The following ALPK2 variants were observed in gnomAD, a reference collection of about 807,000 sequenced individuals.
ALPK2 encodes the protein alpha kinase 2, also known as alpha-protein kinase 2.
A neutral mutation model predicts 163.1 loss-of-function variants in ALPK2; 127 were observed. The ratio of observed to expected loss-of-function variants is 0.78; its 90% CI spans 0.67 to 0.90. The LOEUF is 0.90. Among genes scored for constraint, ALPK2 ranks in the 40% least tolerant of loss-of-function variants. The pLI is 0.00. For missense variants in ALPK2, 2,360 were observed against 2,589.6 expected (o/e 0.91, Z 1.92); for synonymous variants, 953 against 959.1 (o/e 0.99, Z 0.12).
At chr18:58,616,461 A>G (rs2052168994) in intron 1 of ALPK2, among the ~76,000 whole-genome samples, 1 of 152,250 alleles carries the variant, frequency 6.6e-6, no homozygotes, top group African/African-American at 2.4e-5. Context: ...AAGTCTGAAC[A>G]GACAGGCCTT....
At chr18:58,533,926 A>G (rs1310534135) in intron 5 of ALPK2, among the ~76,000 whole-genome samples, 1 of 152,210 alleles carries the variant, frequency 6.6e-6, no homozygotes, top group African/African-American at 2.4e-5. Context: ...TCAGGTTAAG[A>G]GAGGAGAAAA....
At chr18:58,511,024 G>A (rs1429928729) in intron 10 of ALPK2, among the ~76,000 whole-genome samples, 3 of 152,184 alleles carry the variant, frequency 2.0e-5, no homozygotes, top group African/African-American at 7.2e-5. Context: ...CTGTGGGTTT[G>A]TCATAGATAG....
intron 8 of ALPK2, among the ~76,000 whole-genome samples, chr18:58,518,955 T>C (rs1054964008): frequency 2.6e-5 from 4 of 152,204 alleles, no homozygotes; most frequent in African/African-American, 9.7e-5. Flanking sequence ...TTCATAAACT[T>C]GTTTGATTTC....
chr18:58,603,554 A>T (rs1326313235), intron 3 of ALPK2, among the ~76,000 whole-genome samples: 1 of 150,140 alleles, frequency 6.7e-6, no homozygotes. Flanking sequence ...CCTTCCTTCC[A>T]CCTCCCTCCT....
At chr18:58,577,995 C>T (rs1231026855) in intron 4 of ALPK2, 6 of 152,102 alleles carry the variant, frequency 3.9e-5, no homozygotes, top group Admixed American at 6.5e-5. Context: ...CATATTACAG[C>T]GTAAGTCCAA....
At chr18:58,501,003 T>C (rs867616681) in intron 11 of ALPK2, among the ~76,000 whole-genome samples, 1 of 152,184 alleles carries the variant, frequency 6.6e-6, no homozygotes, top group African/African-American at 2.4e-5. Flanking sequence ...GTGATAGAAT[T>C]TGAGTTTAAT....
In ALPK2 at chr18:58,537,131, G is replaced by A; in HGVS notation, c.3056C>T (p.Pro1019Leu). Reference sequence around the variant, plus strand: ...AATTGACACAGCAAGGTATTTGGCTGGGTGGACTTCGGTGGCAATGGTAAC... The same window carrying A: ...AATTGACACAGCAAGGTATTTGGCTAGGTGGACTTCGGTGGCAATGGTAAC... ...STVTIATEVH[P>L]AKYLAVSIPE... Residue 1019 changes from proline (P) to leucine (L), a missense_variant, in exon 5 of 13, where the codon CCA becomes CTA. Transcript: ENST00000361673. 6.2e-7 allele frequency: 1 copy of A among 1,614,168 alleles called. No homozygotes were observed. Among genetic ancestry groups the A allele is most frequent in the Non-Finnish European group, 8.5e-7 (1 of 1,179,974 alleles).
At chr18:58,622,977 G>T (rs555636182) in intron 1 of ALPK2, among the ~76,000 whole-genome samples, 19 of 152,084 alleles carry the variant, frequency 1.2e-4, no homozygotes, top group African/African-American at 4.3e-4. Flanking sequence ...CTCACTCCCC[G>T]CCCCCCGACA....
chr18:58,575,217 AAAG>A (rs1225990802), intron 4 of ALPK2, among the ~76,000 whole-genome samples: 31 of 148,296 alleles, frequency 2.1e-4, no homozygotes, highest in African/African-American at 4.8e-4. Flanking sequence ...AAAAAAAAAA[AAAG>A]AAGAAGAAGA....
intron 3 of ALPK2, among the ~76,000 whole-genome samples, chr18:58,590,490 CAATA>C (rs962836649): frequency 1.3e-5 from 2 of 152,056 alleles, no homozygotes; most frequent in Non-Finnish European, 2.9e-5. Flanking sequence ...GGGCTCCACT[CAATA>C]AATAATCACA....
intron 2 of ALPK2, 60 bp downstream of exon 2, chr18:58,611,629 C>T: frequency 6.8e-7 from 1 of 1,470,960 alleles, no homozygotes; most frequent in South Asian, 1.2e-5. Context: ...CTTTGTGAGC[C>T]AAGAAACCTG....
At chr18:58,532,575 G>A (rs1438808947) in intron 5 of ALPK2, among the ~76,000 whole-genome samples, 1 of 152,190 alleles carries the variant, frequency 6.6e-6, no homozygotes. Flanking sequence ...TTCTCCTAAT[G>A]CTAGGTTGGT....
At chr18:58,603,094 G>A (rs997104871) in intron 3 of ALPK2, among the ~76,000 whole-genome samples, 1 of 152,064 alleles carries the variant, frequency 6.6e-6, no homozygotes, top group Admixed American at 6.5e-5. Flanking sequence ...ATACTCAGGC[G>A]AGCAGCCTAT....
intron 9 of ALPK2, 125 bp from the exon 10 acceptor site, chr18:58,515,206 G>C (rs951595529): frequency 9.0e-6 from 6 of 665,948 alleles, no homozygotes; most frequent in Non-Finnish European, 1.4e-5. Flanking sequence ...CCCATCCCCT[G>C]GTTGGGGTCA....
chr18:58,484,512 G>A (rs1033086065), intron 12 of ALPK2, among the ~76,000 whole-genome samples: 1 of 152,180 alleles, frequency 6.6e-6, no homozygotes, highest in African/African-American at 2.4e-5. Context: ...AATGCCCACT[G>A]AGGCAGGTGG....
chr18:58,610,119 C>G (rs1194780748), intron 2 of ALPK2, among the ~76,000 whole-genome samples: 1 of 151,820 alleles, frequency 6.6e-6, no homozygotes, highest in Non-Finnish European at 1.5e-5. Context: ...ACTAAAAATA[C>G]AAAAATGAGC....
At chr18:58,625,177 C>A (rs1009287054) in intron 1 of ALPK2, among the ~76,000 whole-genome samples, 3 of 151,324 alleles carry the variant, frequency 2.0e-5, no homozygotes, top group Middle Eastern at 3.2e-3. Context: ...TTCCCTGATA[C>A]CCTCAGCTGA....
At chr18:58,523,880 T>C (rs1400101141) in intron 7 of ALPK2, 39 bp from the exon 8 acceptor site, 4 of 1,614,120 alleles carry the variant, frequency 2.5e-6, no homozygotes, top group South Asian at 2.2e-5. Flanking sequence ...TCAGTACAGA[T>C]GTCCATTGTG....
At chr18:58,589,089 G>A (rs964917372) in intron 3 of ALPK2, among the ~76,000 whole-genome samples, 4 of 152,306 alleles carry the variant, frequency 2.6e-5, no homozygotes, top group Middle Eastern at 6.8e-3. Flanking sequence ...ATTCACCAAG[G>A]GAAGCCTGGA....
Sources: gnomAD v4.1 joint callset for allele counts (sites outside exome capture counted in the v4.1 genomes callset) on GRCh38, gnomAD v4.1.1 for gene constraint, MANE v1.5 for transcripts, NCBI Gene and HGNC (gene_info 2026-07-23, HGNC 2026-07-21) for gene names.